Variants in INO80 observed in about 807,000 individuals in gnomAD.
INO80 encodes INO80 complex ATPase subunit, also known as chromatin-remodeling ATPase INO80.
A neutral mutation model predicts 203.4 loss-of-function variants in INO80; 20 were observed. The observed-to-expected ratio is 0.10, with a 90% CI of 0.07 to 0.14. INO80 has a LOEUF of 0.14. Ranked by LOEUF, INO80 falls within the 10% of genes least tolerant of loss-of-function variation. The pLI is 1.00. For missense variants in INO80, 1,419 were observed against 1,914.4 expected, an observed-to-expected ratio of 0.74 and a Z score of 4.83; for synonymous variants, 726 against 685.2, an observed-to-expected ratio of 1.06 and a Z score of -0.93.
At chr15:41,074,807 C>T (rs1056576723) in intron 9 of INO80, among the ~76,000 whole-genome samples, 1 of 152,146 alleles carries the variant, frequency 6.6e-6, no homozygotes, top group African/African-American at 2.4e-5. Flanking sequence ...TATAGTGGCA[C>T]GATCTCGGCT....
At position 41,085,522 on chromosome 15, in the gene INO80, G is replaced by C. The variant is rs866655826; in HGVS notation, c.720C>G (p.Ser240=). ...RRDEELSSEE[S]PRRHHHQTKV... is the part of the protein sequence containing the mutation. ...TGGTCTGGTGGTGATGGCGACGAGG[G>C]GATTCTTCAGAGGAAAGTTCTTCAT... Residue 240 remains serine, a synonymous_variant, in exon 7 of 36, where the codon TCC becomes TCG. Coordinates refer to ENST00000648947, the MANE Select transcript of INO80 (RefSeq NM_017553.3). The C allele has an allele frequency of 8.1e-6, 13 of 1,614,094 alleles. No individual in the cohort carries two copies. The South Asian group carries it at 1.3e-4, about 16-fold the overall frequency.
chr15:41,041,125 G>C (rs934565756), intron 24 of INO80, among the ~76,000 whole-genome samples: 4 of 152,190 alleles, frequency 2.6e-5, no homozygotes, highest in Admixed American at 6.5e-5. Flanking sequence ...AGAGTGCAGT[G>C]GTGGGATCAC....
At position 41,031,540 on chromosome 15, in the gene INO80, AAGGGAGG is replaced by A. The variant is rs1566918989; in HGVS notation, c.2908-3811_2908-3805del. On this transcript the variant is annotated intron_variant, in intron 24 of 35. Coordinates refer to ENST00000648947, the MANE Select transcript of INO80 (RefSeq NM_017553.3). Reference sequence around the variant, plus strand: ...GGGAAGGGAGGAAGGAGAAGGGAGGAAGGGAGGAGGGAGGAAGGGAGGAAGGGAGGAA... The same window carrying A: ...GGGAAGGGAGGAAGGAGAAGGGAGGAAGGGAGGAAGGGAGGAAGGGAGGAA... 7.1e-4 allele frequency among the ~76,000 whole-genome samples: 11 copies of A among 15,592 alleles called. 1 individual carries two copies. The highest frequency in any genetic ancestry group is 7.3e-4 in the Non-Finnish European group (4 of 5,490). 10.2% of individuals were successfully genotyped at this position (15,592 alleles called of 152,430 possible).
In INO80 at chr15:41,116,156, A is replaced by C; in HGVS notation, c.-227T>G. 1 of 406,738 alleles carries C rather than the reference A, an allele frequency of 2.5e-6. No homozygotes were observed. Among genetic ancestry groups the C allele is most frequent in the Non-Finnish European group, 4.3e-6 (1 of 233,176 alleles). The allele number at this position is 406,738 out of a possible 1,614,324, so 25.2% of individuals were successfully genotyped here. On this transcript the variant is annotated 5_prime_UTR_variant, in exon 1 of 36. Coordinates refer to ENST00000648947, the MANE Select transcript of INO80 (RefSeq NM_017553.3). Reference sequence around the variant, plus strand: ...CTCCCTCCGCGGCTCCTGGGACCCCAAGATGGCGGCGGCGCTGAGGCGGCT... The same window carrying C: ...CTCCCTCCGCGGCTCCTGGGACCCCCAGATGGCGGCGGCGCTGAGGCGGCT...
intron 4 of INO80, among the ~76,000 whole-genome samples, chr15:41,092,489 A>T (rs944935042): frequency 6.6e-6 from 1 of 152,214 alleles, no homozygotes; most frequent in African/African-American, 2.4e-5. Context: ...CTATACATAC[A>T]TGCCAAACAG....
intron 1 of INO80, among the ~76,000 whole-genome samples, chr15:41,098,385 T>C (rs190015568): frequency 9.2e-5 from 14 of 152,090 alleles, no homozygotes; most frequent in African/African-American, 3.1e-4. Context: ...ATTAAGAAAA[T>C]GAAGACAAAC....
chr15:41,045,111 C>T, intron 23 of INO80, 36 bp from the exon 24 acceptor site: 1 of 1,542,220 alleles, frequency 6.5e-7, no homozygotes, highest in Non-Finnish European at 8.7e-7. Context: ...TTATTCAGTG[C>T]TCCATGGAGG....
At chr15:41,070,663 T>C (rs2045295118) in intron 12 of INO80, 116 bp from the exon 13 acceptor site, 1 of 820,218 alleles carries the variant, frequency 1.2e-6, no homozygotes, top group African/African-American at 1.7e-5. Context: ...TGACCAGAGA[T>C]ACTCAGCCTC....
chr15:40,984,062 C>A, intron 33 of INO80, 135 bp downstream of exon 33: 2 of 1,337,746 alleles, frequency 1.5e-6, no homozygotes, highest in Non-Finnish European at 2.1e-6. Context: ...TTTCTCCTTA[C>A]AGACCTCATG....
intron 24 of INO80, among the ~76,000 whole-genome samples, chr15:41,036,105 G>A (rs1024024368): frequency 1.6e-5 from 2 of 121,924 alleles, no homozygotes; most frequent in Non-Finnish European, 3.2e-5. Flanking sequence ...GCAGTGAGCC[G>A]AGATCGCACC....
rs1304250079 is a variant in INO80, at chr15:41,101,581, GCT to G, written c.-43-5230_-43-5229del. Among the ~76,000 whole-genome samples, 3 of 144,100 alleles carry G rather than the reference GCT, an allele frequency of 2.1e-5. No homozygotes were observed. In the Admixed American group the frequency reaches 2.1e-4, roughly 10 times the overall value. The allele number at this position is 144,100 out of a possible 152,430, so 94.5% of individuals were successfully genotyped here. A position where few individuals can be genotyped will look rare whatever the true frequency, so the allele number is the denominator to read the frequency against. On this transcript the variant is annotated intron_variant, in intron 1 of 35. Coordinates refer to ENST00000648947, the MANE Select transcript of INO80 (RefSeq NM_017553.3). Reference sequence around the variant, plus strand: ...TTTTTTTTTTTTGAGACAGAGTCTTGCTCTGTCACCCAGGCTGGAGTGCAGTG... The same window carrying G: ...TTTTTTTTTTTTGAGACAGAGTCTTGCTGTCACCCAGGCTGGAGTGCAGTG...
At chr15:41,043,265 TA>T (rs774720774) in intron 24 of INO80, among the ~76,000 whole-genome samples, 5 of 152,188 alleles carry the variant, frequency 3.3e-5, no homozygotes, top group Non-Finnish European at 7.4e-5. Flanking sequence ...GCAGAACTGA[TA>T]AAAATGTATT....
At chr15:41,057,377 G>C (rs1489449660) in intron 16 of INO80, among the ~76,000 whole-genome samples, 1 of 151,768 alleles carries the variant, frequency 6.6e-6, no homozygotes, top group Non-Finnish European at 1.5e-5. Context: ...GTTTGAGACA[G>C]GGAGGTCGAG....
intron 13 of INO80, 96 bp downstream of exon 13, chr15:41,070,371 T>C (rs527363244): frequency 8.1e-5 from 86 of 1,063,422 alleles, no homozygotes; most frequent in Non-Finnish European, 1.1e-4. Flanking sequence ...CTTGGAATGC[T>C]ACACAGCTTA....
intron 1 of INO80, among the ~76,000 whole-genome samples, chr15:41,097,247 T>G (rs923979758): frequency 6.6e-6 from 1 of 151,914 alleles, no homozygotes; most frequent in African/African-American, 2.4e-5. Flanking sequence ...GGTTTCACCA[T>G]GTTGGTCAGG....
chr15:41,075,467 AG>A (rs2045389355), intron 9 of INO80, among the ~76,000 whole-genome samples: 1 of 149,136 alleles, frequency 6.7e-6, no homozygotes, highest in Admixed American at 6.7e-5. Context: ...GCGGCGGGGG[AG>A]GCGGGGGGCA....
At chr15:41,008,692 A>G (rs1296755391) in intron 27 of INO80, among the ~76,000 whole-genome samples, 1 of 151,370 alleles carries the variant, frequency 6.6e-6, no homozygotes, top group Admixed American at 6.6e-5. Flanking sequence ...AGCAACCACT[A>G]GAAAGGGAAG....
intron 24 of INO80, among the ~76,000 whole-genome samples, chr15:41,034,406 C>G (rs573554821): frequency 6.6e-6 from 1 of 152,228 alleles, no homozygotes; most frequent in African/African-American, 2.4e-5. Context: ...TGTGACCTCA[C>G]ACAGCTTACC....
At chr15:41,070,354 C>T (rs2045290644) in intron 13 of INO80, 113 bp downstream of exon 13, 19 of 935,454 alleles carry the variant, frequency 2.0e-5, no homozygotes, top group Non-Finnish European at 3.1e-5. Context: ...GAACCCAGTC[C>T]CACTATCTTG....
Sources: gnomAD v4.1 joint callset for allele counts (sites outside exome capture counted in the v4.1 genomes callset) on GRCh38, gnomAD v4.1.1 for gene constraint, MANE v1.5 for transcripts, NCBI Gene and HGNC (gene_info 2026-07-23, HGNC 2026-07-21) for gene names.